The following NICOL1 variants were observed in gnomAD, a reference collection of about 807,000 sequenced individuals.
NICOL1 encodes the protein NELL2 interacting cell ontogeny regulator 1, also known as NELL2-interacting cell ontogeny regulator 1.
chr4:2,039,737 G>A, the NICOL1 span, among the ~76,000 whole-genome samples: 2 of 152,142 alleles, frequency 1.3e-5, no homozygotes, highest in Non-Finnish European at 2.9e-5. Context: ...CTACTGGGGA[G>A]GCTGAGACAG....
the NICOL1 span, chr4:2,042,746 C>T: frequency 6.6e-7 from 1 of 1,515,988 alleles, no homozygotes; most frequent in Admixed American, 2.0e-5. Context: ...GCCGCCCATG[C>T]GTGGACTGCC....
chr4:2,036,768 T>G, the NICOL1 span, among the ~76,000 whole-genome samples: 13 of 152,028 alleles, frequency 8.6e-5, no homozygotes, highest in African/African-American at 3.1e-4. Flanking sequence ...GTTTGGCTGG[T>G]TGATGAGAAC....
chr4:2,041,538 G>T, the NICOL1 span, among the ~76,000 whole-genome samples: 1 of 152,170 alleles, frequency 6.6e-6, no homozygotes, highest in African/African-American at 2.4e-5. Flanking sequence ...GGAGAGGCTG[G>T]GCCAGGGAAA....
chr4:2,039,057 T>A, the NICOL1 span, among the ~76,000 whole-genome samples: 1 of 152,238 alleles, frequency 6.6e-6, no homozygotes, highest in Non-Finnish European at 1.5e-5. Context: ...TCATTTTTTT[T>A]AAATGATGGT....
At chr4:2,042,248 T>A in the NICOL1 span, 1 of 550,306 alleles carries the variant, frequency 1.8e-6, no homozygotes, top group Non-Finnish European at 2.3e-6. Flanking sequence ...ACAAGGGTCG[T>A]GGGGCCCGCG....
the NICOL1 span, chr4:2,041,902 C>T: frequency 7.5e-7 from 1 of 1,327,906 alleles, no homozygotes; most frequent in Non-Finnish European, 9.8e-7. Flanking sequence ...CCTGGAGCGT[C>T]CTAGGTTCCT....
the NICOL1 span, among the ~76,000 whole-genome samples, chr4:2,038,224 A>T: frequency 7.9e-6 from 1 of 125,846 alleles, no homozygotes; most frequent in African/African-American, 2.9e-5. Flanking sequence ...AGCCTTTATT[A>T]AGTGATCAGT....
At chr4:2,040,510 T>TC in the NICOL1 span, among the ~76,000 whole-genome samples, 4 of 151,798 alleles carry the variant, frequency 2.6e-5, no homozygotes, top group Non-Finnish European at 5.9e-5. Context: ...CGGAGGCACG[T>TC]CCCCCCCAGG....
the NICOL1 span, among the ~76,000 whole-genome samples, chr4:2,037,401 T>C: frequency 6.6e-6 from 1 of 152,316 alleles, no homozygotes; most frequent in Admixed American, 6.5e-5. Flanking sequence ...GCCAATACAC[T>C]TCTAAATAAC....
chr4:2,039,561 G>A, the NICOL1 span, among the ~76,000 whole-genome samples: 39,393 of 152,090 alleles, frequency 0.26, 5,399 homozygotes, highest in East Asian at 0.35. Flanking sequence ...TAGGCCAGGT[G>A]CAGTGGCTCA....
chr4:2,042,282 CCGGGGCGGG>C, the NICOL1 span: 22 of 930,618 alleles, frequency 2.4e-5, no homozygotes, highest in East Asian at 1.7e-4. Context: ...GCTCACCGGC[CCGGGGCGGG>C]CGGGGCGGGC....
At chr4:2,043,849 GT>G in the NICOL1 span, 1 of 1,549,028 alleles carries the variant, frequency 6.5e-7, no homozygotes, top group African/African-American at 1.4e-5. Flanking sequence ...CACCCCTCTT[GT>G]TGCTTTGCAG....
chr4:2,042,823 G>T, the NICOL1 span: 3 of 1,487,706 alleles, frequency 2.0e-6, no homozygotes, highest in Non-Finnish European at 2.7e-6. Context: ...CTGGACGCGC[G>T]GGTGAGCGCC....
At chr4:2,042,794 G>A in the NICOL1 span, 6 of 1,516,016 alleles carry the variant, frequency 4.0e-6, no homozygotes, top group Non-Finnish European at 2.6e-6. Context: ...TGCAGGACCT[G>A]CGGAAGACAG....
the NICOL1 span, chr4:2,043,835 C>G: frequency 6.5e-7 from 1 of 1,544,758 alleles, no homozygotes; most frequent in Admixed American, 2.0e-5. Context: ...CTGGGCTGCA[C>G]CCTCACCCCT....
the NICOL1 span, among the ~76,000 whole-genome samples, chr4:2,043,018 C>T: frequency 3.9e-5 from 6 of 152,164 alleles, no homozygotes; most frequent in Non-Finnish European, 8.8e-5. Flanking sequence ...ACCTATGAGA[C>T]GCCCCTCTCT....
At chr4:2,038,580 T>G in the NICOL1 span, among the ~76,000 whole-genome samples, 1 of 152,048 alleles carries the variant, frequency 6.6e-6, no homozygotes, top group Non-Finnish European at 1.5e-5. Context: ...CCTGGCCTAA[T>G]TTTTTTAAAA....
chr4:2,040,508 C>A, the NICOL1 span, among the ~76,000 whole-genome samples: 3 of 152,206 alleles, frequency 2.0e-5, no homozygotes, highest in Non-Finnish European at 4.4e-5. Flanking sequence ...CCCGGAGGCA[C>A]GTCCCCCCCA....
chr4:2,042,386 C>A, the NICOL1 span: 1 of 505,778 alleles, frequency 2.0e-6, no homozygotes, highest in South Asian at 2.9e-5. Flanking sequence ...TCCCCGATGT[C>A]ACCGCCGCCG....
Sources: gnomAD v4.1 joint callset for allele counts (sites outside exome capture counted in the v4.1 genomes callset) on GRCh38, gnomAD v4.1.1 for gene constraint, MANE v1.5 for transcripts, NCBI Gene and HGNC (gene_info 2026-07-23, HGNC 2026-07-21) for gene names.